Variants in MEF2C observed in about 807,000 individuals in gnomAD.
The protein encoded by MEF2C is myocyte enhancer factor 2C.
Under a neutral mutation model 50.5 loss-of-function variants are expected in MEF2C, and 6 were observed. The ratio of observed to expected loss-of-function variants is 0.12; its 90% CI spans 0.07 to 0.23. The LOEUF is 0.23. Among genes scored for constraint, MEF2C ranks in the 10% least tolerant of loss-of-function variants. The pLI, the probability that MEF2C is intolerant of heterozygous loss-of-function variation, is 1.00. For missense variants in MEF2C, 276 were observed against 605.0 expected (o/e 0.46, Z 5.70); for synonymous variants, 183 against 228.0 (o/e 0.80, Z 1.78).
chr5:88,735,206 A>C (rs967895955), intron 6 of MEF2C: 4 of 985,314 alleles, frequency 4.1e-6, no homozygotes, highest in Admixed American at 6.1e-5. Flanking sequence ...CTCCTCACTC[A>C]GAATGCTGCG....
At chr5:88,772,107 C>T (rs1049439130) in intron 3 of MEF2C, 3 of 152,226 alleles carry the variant, frequency 2.0e-5, no homozygotes, top group African/African-American at 4.8e-5. Context: ...AGGCATTACC[C>T]TTGATGTACT....
intron 3 of MEF2C, among the ~76,000 whole-genome samples, chr5:88,777,483 C>T (rs1785363608): frequency 6.6e-6 from 1 of 152,152 alleles, no homozygotes; most frequent in East Asian, 1.9e-4. Context: ...GGAACCAAGT[C>T]TATGAACCCA....
intron 6 of MEF2C, chr5:88,735,794 G>T: frequency 9.1e-6 from 9 of 985,298 alleles, no homozygotes; most frequent in Non-Finnish European, 1.1e-5. Flanking sequence ...CATATTCCTG[G>T]CTTAAGATAT....
At chr5:88,857,273 A>C (rs984115463) in intron 1 of MEF2C, among the ~76,000 whole-genome samples, 2 of 151,986 alleles carry the variant, frequency 1.3e-5, no homozygotes, top group African/African-American at 4.8e-5. Context: ...GAATGGGTGT[A>C]TTTTCCCAAT....
At chr5:88,878,151 A>G (rs1027440796) in intron 1 of MEF2C, 2 of 152,058 alleles carry the variant, frequency 1.3e-5, no homozygotes, top group African/African-American at 4.8e-5. Flanking sequence ...GTGTATTTTG[A>G]GTCAGGAGAA....
At chr5:88,726,810 G>A (rs1759021092) in intron 10 of MEF2C, among the ~76,000 whole-genome samples, 1 of 151,982 alleles carries the variant, frequency 6.6e-6, no homozygotes, top group African/African-American at 2.4e-5. Context: ...ATAGAAAAGA[G>A]TTTTAAAATT....
intron 6 of MEF2C, among the ~76,000 whole-genome samples, chr5:88,744,445 C>G (rs1319126822): frequency 1.3e-5 from 2 of 152,104 alleles, no homozygotes; most frequent in Non-Finnish European, 2.9e-5. Flanking sequence ...CCCAGCTACT[C>G]AGGAGGCTGA....
intron 1 of MEF2C, among the ~76,000 whole-genome samples, chr5:88,859,709 A>C (rs1824827086): frequency 6.6e-6 from 1 of 152,238 alleles, no homozygotes; most frequent in Admixed American, 6.5e-5. Context: ...CTCAACGAGC[A>C]AAAACTCTTT....
chr5:88,814,485 G>A (rs1804415230), intron 2 of MEF2C, among the ~76,000 whole-genome samples: 1 of 151,966 alleles, frequency 6.6e-6, no homozygotes, highest in African/African-American at 2.4e-5. Context: ...GTGTTCTGCC[G>A]CAAAGGGGAC....
intron 1 of MEF2C, among the ~76,000 whole-genome samples, chr5:88,888,528 G>A (rs1834215744): frequency 1.3e-5 from 2 of 152,130 alleles, no homozygotes; most frequent in South Asian, 4.1e-4. Context: ...AGGTTTTTAG[G>A]CTTAGGCCCA....
intron 1 of MEF2C, among the ~76,000 whole-genome samples, chr5:88,855,175 T>A (rs57055575): frequency 0.42 from 63,245 of 152,046 alleles, 13,771 homozygotes; most frequent in East Asian, 0.48. Context: ...AACAGCTGTT[T>A]TTAAATGTTG....
chr5:88,821,430 T>G (rs1808313964), intron 2 of MEF2C, among the ~76,000 whole-genome samples: 1 of 151,880 alleles, frequency 6.6e-6, no homozygotes, highest in Non-Finnish European at 1.5e-5. Context: ...GTTAATTTTT[T>G]TTTAACTTTT....
intron 1 of MEF2C, among the ~76,000 whole-genome samples, chr5:88,874,437 T>C (rs1830469467): frequency 6.6e-6 from 1 of 152,068 alleles, no homozygotes; most frequent in East Asian, 1.9e-4. Context: ...CAAATAAATG[T>C]CAGAAAGTAT....
In MEF2C at chr5:88,784,486, A is replaced by G. The variant is rs944689452; in HGVS notation, c.258+20112T>C. On this transcript the variant is annotated intron_variant, in intron 3 of 10. Coordinates refer to ENST00000504921, the MANE Select transcript of MEF2C (RefSeq NM_002397.5). Reference sequence around the variant, plus strand: ...ATATTATTTCATGTTTATAAATGTTACAGAATCTATTATATGTAGTAATTC... The same window carrying G: ...ATATTATTTCATGTTTATAAATGTTGCAGAATCTATTATATGTAGTAATTC... Among the ~76,000 whole-genome samples the G allele has an allele frequency of 2.0e-5, 3 of 152,230 alleles. No homozygotes were observed. In the East Asian group the frequency reaches 5.8e-4, roughly 29 times the overall value.
intron 1 of MEF2C, among the ~76,000 whole-genome samples, chr5:88,840,059 T>C (rs915321911): frequency 1.3e-5 from 2 of 152,226 alleles, no homozygotes; most frequent in African/African-American, 4.8e-5. Flanking sequence ...GCAAGAGTTA[T>C]GCAAGGTCAT....
chr5:88,823,836 TC>T lies in MEF2C; in HGVS notation c.-49del. The T allele has an allele frequency of 6.2e-6, 10 of 1,602,866 alleles. No homozygotes were observed. The highest frequency in any genetic ancestry group is 8.5e-6 in the Non-Finnish European group (10 of 1,174,280). On this transcript the variant is annotated 5_prime_UTR_variant, in exon 2 of 11. Coordinates refer to ENST00000504921, the MANE Select transcript of MEF2C (RefSeq NM_002397.5). ...CTCGTCCCTGAAATTATGTATTTTT[TC>T]CTTCCTTTTCTTTCTCTTTCCTGTT...
chr5:88,809,946 A>G (rs1802077975), intron 2 of MEF2C, among the ~76,000 whole-genome samples: 1 of 152,144 alleles, frequency 6.6e-6, no homozygotes, highest in Non-Finnish European at 1.5e-5. Context: ...ACTTTTTACA[A>G]ATCTTTATTA....
At chr5:88,756,492 G>T (rs1775378450) in intron 4 of MEF2C, among the ~76,000 whole-genome samples, 1 of 152,186 alleles carries the variant, frequency 6.6e-6, no homozygotes, top group Non-Finnish European at 1.5e-5. Context: ...AGCACACTGA[G>T]AAGATATTTT....
chr5:88,883,573 T>C (rs1833618738), upstream of MEF2C: 1 of 151,784 alleles, frequency 6.6e-6, no homozygotes, highest in African/African-American at 2.4e-5. Flanking sequence ...GGAGCACGAA[T>C]GGTTGGGGTT....
Sources: allele counts gnomAD v4.1 joint callset (sites outside exome capture counted in the v4.1 genomes callset), GRCh38; gene constraint gnomAD v4.1.1; transcripts MANE v1.5; gene names NCBI Gene and HGNC (gene_info 2026-07-23, HGNC 2026-07-21).